ATRNL1: variants seen among roughly 807,000 people sequenced by gnomAD.
ATRNL1 encodes the protein attractin like 1, also known as attractin-like protein 1.
ATRNL1 carries 95 observed loss-of-function variants against 182.7 expected under a neutral mutation model. The observed-to-expected ratio is 0.52, with a 90% CI of 0.44 to 0.62. The LOEUF is 0.62. Ranked by LOEUF, ATRNL1 falls within the 20% of genes least tolerant of loss-of-function variation. ATRNL1 has a pLI of 0.00. For missense variants in ATRNL1, 1,471 were observed against 1,679.5 expected (o/e 0.88, Z 2.17); for synonymous variants, 576 against 568.3 (o/e 1.01, Z -0.19).
chr10:115,290,251 T>C (rs887477325), intron 15 of ATRNL1, among the ~76,000 whole-genome samples: 8 of 152,214 alleles, frequency 5.3e-5, no homozygotes, highest in African/African-American at 1.9e-4. Flanking sequence ...TTATCAGTAC[T>C]AAGAGTTTTC....
chr10:115,738,133 T>TTTGTTTTTTTTTTTG (rs1555066565), intron 27 of ATRNL1, among the ~76,000 whole-genome samples: 41 of 80,376 alleles, frequency 5.1e-4, no homozygotes, highest in African/African-American at 2.3e-3. Context: ...ATGATTTTTT[T>TTTGTTTTTTTTTTTG]TTTTTTTTTT....
intron 27 of ATRNL1, among the ~76,000 whole-genome samples, chr10:115,783,215 T>C (rs1555079658): frequency 1.7e-5 from 2 of 118,910 alleles, no homozygotes; most frequent in African/African-American, 6.6e-5. Context: ...TTCATATTTG[T>C]CTATATGATG....
Position 115,411,549 on chromosome 10 carries a change from C to T in ATRNL1, c.3270-14701C>T, listed in dbSNP as rs113310940. Among the ~76,000 whole-genome samples, 20 of 150,460 alleles carry T rather than the reference C, an allele frequency of 1.3e-4. 1 individual carries two copies. The highest frequency in any genetic ancestry group is 4.9e-4 in the African/African-American group (20 of 40,570). ...GAGTATGATTATCTCTTTGCTTAGA[C>T]ACAGAAACCCTTTGAAATTACATTT... On this transcript the variant is annotated intron_variant, in intron 20 of 28. Transcript: ENST00000355044.
chr10:115,461,363 G>C (rs1244181440), intron 21 of ATRNL1, among the ~76,000 whole-genome samples: 2 of 151,916 alleles, frequency 1.3e-5, no homozygotes, highest in Non-Finnish European at 2.9e-5. Flanking sequence ...AGAATTCCTT[G>C]TATCATTGTG....
chr10:115,183,066 G>C (rs11197104), intron 8 of ATRNL1, among the ~76,000 whole-genome samples: 3,791 of 151,420 alleles, frequency 0.025, 157 homozygotes, highest in African/African-American at 0.086. Context: ...AAAATTAGTA[G>C]TTTCCCAAGA....
rs74625753 is a variant in ATRNL1, at chr10:115,663,612, G to A, written c.3796-63636G>A. Among the ~76,000 whole-genome samples the A allele has an allele frequency of 4.7e-3, 711 of 151,978 alleles. 38 individuals are homozygous for A. The East Asian group carries it at 0.13, about 27-fold the overall frequency. On this transcript the variant is annotated intron_variant, in intron 26 of 28. Coordinates refer to ENST00000355044, the MANE Select transcript of ATRNL1 (RefSeq NM_207303.4). ...ATTATCATATAATAGTATAATATACGAAAAGTGTGTGTTAGAGGCAGCAAA... is the reference window on the plus strand; with the variant it reads ...ATTATCATATAATAGTATAATATACAAAAAGTGTGTGTTAGAGGCAGCAAA...
intron 26 of ATRNL1, among the ~76,000 whole-genome samples, chr10:115,719,855 C>T (rs1420557941): frequency 1.4e-5 from 2 of 142,504 alleles, no homozygotes; most frequent in Admixed American, 1.6e-4. Flanking sequence ...CACCCCCCCA[C>T]ACACTCTTTT....
At chr10:115,864,150 T>C (rs1951379247) in intron 28 of ATRNL1, among the ~76,000 whole-genome samples, 1 of 152,012 alleles carries the variant, frequency 6.6e-6, no homozygotes, top group Non-Finnish European at 1.5e-5. Context: ...TTCCAGCTAT[T>C]CAAGAGGCTG....
chr10:115,829,529 A>T (rs755324167), intron 27 of ATRNL1, among the ~76,000 whole-genome samples: 2 of 151,928 alleles, frequency 1.3e-5, no homozygotes, highest in Non-Finnish European at 2.9e-5. Context: ...AAAAAAAAGT[A>T]AAATATTCCT....
At chr10:115,485,879 G>T (rs1380086309) in intron 24 of ATRNL1, among the ~76,000 whole-genome samples, 1 of 151,816 alleles carries the variant, frequency 6.6e-6, no homozygotes, top group Non-Finnish European at 1.5e-5. Flanking sequence ...TTCTCGTAAC[G>T]CTATCCCTAC....
chr10:115,667,800 G>T (rs1229293204), intron 26 of ATRNL1, among the ~76,000 whole-genome samples: 1 of 151,952 alleles, frequency 6.6e-6, no homozygotes, highest in Non-Finnish European at 1.5e-5. Flanking sequence ...GGGACTACAG[G>T]TGTGGGCTAC....
chr10:115,703,666 A>T (rs1170739639), intron 26 of ATRNL1, among the ~76,000 whole-genome samples: 2 of 151,860 alleles, frequency 1.3e-5, no homozygotes, highest in Non-Finnish European at 2.9e-5. Context: ...CTTAATATAC[A>T]AACATATATG....
At chr10:115,273,832 G>A (rs1851980533) in intron 13 of ATRNL1, among the ~76,000 whole-genome samples, 2 of 152,160 alleles carry the variant, frequency 1.3e-5, no homozygotes, top group South Asian at 2.1e-4. Context: ...TTCATGTAAC[G>A]TAGTTGCTCC....
chr10:115,602,180 C>G (rs1268051387), intron 26 of ATRNL1, among the ~76,000 whole-genome samples: 1 of 151,918 alleles, frequency 6.6e-6, no homozygotes, highest in Non-Finnish European at 1.5e-5. Context: ...ATGGCAAAAC[C>G]CTGTCTCTAC....
At chr10:115,515,878 A>G (rs1850613371) in intron 24 of ATRNL1, among the ~76,000 whole-genome samples, 1 of 151,786 alleles carries the variant, frequency 6.6e-6, no homozygotes, top group South Asian at 2.1e-4. Flanking sequence ...TTCTTGCAAC[A>G]TTTCTGTTCT....
intron 19 of ATRNL1, among the ~76,000 whole-genome samples, chr10:115,363,899 C>A (rs1398035773): frequency 1.3e-5 from 2 of 150,606 alleles, no homozygotes; most frequent in African/African-American, 4.9e-5. Context: ...GGTACCAGTA[C>A]CATGCTGTTT....
chr10:115,391,620 CA>C (rs1366475724), intron 19 of ATRNL1, among the ~76,000 whole-genome samples: 2 of 125,204 alleles, frequency 1.6e-5, no homozygotes, highest in African/African-American at 7.3e-5. Context: ...CTATTCAATG[CA>C]TTTTTTTTTT....
chr10:115,668,091 A>G (rs782663441), intron 26 of ATRNL1, among the ~76,000 whole-genome samples: 3 of 152,118 alleles, frequency 2.0e-5, no homozygotes, highest in Non-Finnish European at 4.4e-5. Context: ...AGCCATATCC[A>G]CCATTGAAAA....
intron 19 of ATRNL1, among the ~76,000 whole-genome samples, chr10:115,354,721 C>T (rs537084139): frequency 2.6e-5 from 4 of 152,014 alleles, no homozygotes; most frequent in Middle Eastern, 3.4e-3. Context: ...CCTAAATGTT[C>T]GTATCTTTTT....
Sources: allele counts gnomAD v4.1 joint callset (sites outside exome capture counted in the v4.1 genomes callset), GRCh38; gene constraint gnomAD v4.1.1; transcripts MANE v1.5; gene names NCBI Gene and HGNC (gene_info 2026-07-23, HGNC 2026-07-21).